CLPB: variants seen among roughly 807,000 people sequenced by gnomAD.
The protein encoded by CLPB is ClpB family mitochondrial disaggregase.
CLPB carries 40 observed loss-of-function variants against 78.4 expected under a neutral mutation model. The observed-to-expected ratio is 0.51, with a 90% confidence interval of 0.40 to 0.66. The LOEUF is 0.66. CLPB is among the 30% of genes least tolerant of loss of function. CLPB has a pLI of 0.00. For synonymous variants in CLPB, 333 were observed against 348.0 expected, an observed-to-expected ratio of 0.96 and a Z score of 0.48; for missense variants, 780 against 886.9, an observed-to-expected ratio of 0.88 and a Z score of 1.53.
chr11:72,296,975 C>T (rs914125445), intron 11 of CLPB, among the ~76,000 whole-genome samples: 16 of 152,200 alleles, frequency 1.1e-4, no homozygotes, highest in African/African-American at 3.9e-4. Context: ...TCCTCTGCAC[C>T]AGGCTACAGA....
intron 5 of CLPB, among the ~76,000 whole-genome samples, chr11:72,349,942 G>A (rs117225442): frequency 0.031 from 4,660 of 152,350 alleles, 113 homozygotes; most frequent in Non-Finnish European, 0.04. Flanking sequence ...AGGTCATGCC[G>A]GATACCGGCC....
intron 2 of CLPB, among the ~76,000 whole-genome samples, chr11:72,427,436 T>A (rs772503466): frequency 6.6e-6 from 1 of 152,218 alleles, no homozygotes; most frequent in Non-Finnish European, 1.5e-5. Context: ...CCTACAGTCA[T>A]GCGCTACACA....
chr11:72,390,960 A>G (rs1288469811), intron 3 of CLPB, among the ~76,000 whole-genome samples: 1 of 152,248 alleles, frequency 6.6e-6, no homozygotes, highest in Non-Finnish European at 1.5e-5. Context: ...GTCACACACT[A>G]TGAAACACGA....
intron 2 of CLPB, among the ~76,000 whole-genome samples, chr11:72,414,877 C>A (rs1467752995): frequency 6.6e-6 from 1 of 152,140 alleles, no homozygotes; most frequent in Non-Finnish European, 1.5e-5. Flanking sequence ...CTCATTTGAT[C>A]CTCTGAAAGA....
intron 7 of CLPB, among the ~76,000 whole-genome samples, chr11:72,313,089 C>T (rs1457841255): frequency 2.6e-5 from 4 of 152,152 alleles, no homozygotes; most frequent in Admixed American, 2.6e-4. Context: ...GCTGACTTAC[C>T]TTTCTTGATA....
intron 1 of CLPB, 76 bp from the exon 2 acceptor site, chr11:72,430,439 A>C: frequency 7.9e-7 from 1 of 1,266,602 alleles, no homozygotes; most frequent in Non-Finnish European, 1.1e-6. Context: ...GGGCCCACTA[A>C]GACAGTGGCA....
At position 72,307,404 on chromosome 11, in the gene CLPB, T is replaced by C. The variant is rs1175321842; in HGVS notation, c.1067-150A>G. On this transcript the variant is annotated intron_variant, in intron 8 of 15. Transcript: ENST00000538039. ...GAAAGGATCAGCGACTCTCCCACAG[T>C]CACCTAGGGAGTTAATGGTGAAGCT... 4.4e-6 allele frequency: 3 copies of C among 677,264 alleles called. No homozygotes were observed. In the Admixed American group the frequency reaches 8.0e-5, roughly 18 times the overall value. The allele number at this position is 677,264 out of a possible 1,614,324, so 42.0% of individuals were successfully genotyped here. A position where few individuals can be genotyped will look rare whatever the true frequency, so the allele number is the denominator to read the frequency against.
intron 3 of CLPB, among the ~76,000 whole-genome samples, chr11:72,387,650 C>T (rs1244165447): frequency 6.6e-6 from 1 of 151,604 alleles, no homozygotes; most frequent in Non-Finnish European, 1.5e-5. Flanking sequence ...TCCATAGTGC[C>T]TGACACATTA....
At chr11:72,311,462 T>C (rs144661144) in intron 7 of CLPB, among the ~76,000 whole-genome samples, 102 of 152,278 alleles carry the variant, frequency 6.7e-4, no homozygotes, top group African/African-American at 2.3e-3. Flanking sequence ...TTCCATTTTA[T>C]AGGTGAGGAA....
At position 72,358,961 on chromosome 11, in the gene CLPB, C is replaced by T. The variant is rs779228307; in HGVS notation, c.694G>A (p.Ala232Thr). 1.1e-5 allele frequency: 17 copies of T among 1,613,270 alleles called. No individual in the cohort carries two copies. Among genetic ancestry groups the T allele is most frequent in the Non-Finnish European group, 1.4e-5 (16 of 1,179,900 alleles). The stretch of plus-strand genomic sequence containing the variant: ...AAGGCCGTGCAGCCCTTGAAACTGG[C>T]GCGGTTGTTCAGCCTGTTGTTGAAG... ...DDFNNRLNNR[A>T]SFKGCTALHY... The change falls in exon 5 of 16, where the codon GCC becomes ACC. Residue 232 changes from alanine to threonine, a missense_variant. Physicochemically the swap from Ala to Thr is moderately conservative, Grantham distance 58. Around this residue, in one of 3 missense-constraint regions of CLPB, gnomAD observed 417 missense variants for 414.7 expected, o/e 1.01. Coordinates refer to ENST00000538039, the MANE Select transcript of CLPB (RefSeq NM_001258392.3).
At chr11:72,302,891 C>T (rs1033560303) in intron 9 of CLPB, 1 of 153,412 alleles carries the variant, frequency 6.5e-6, no homozygotes, top group Non-Finnish European at 1.5e-5. Flanking sequence ...CTTTGATTTA[C>T]TTTTCTTCAA....
At chr11:72,403,339 A>G (rs1483985751) in intron 2 of CLPB, among the ~76,000 whole-genome samples, 1 of 152,110 alleles carries the variant, frequency 6.6e-6, no homozygotes, top group Non-Finnish European at 1.5e-5. Context: ...CCCCCTTATT[A>G]TCTTCCAAAC....
chr11:72,389,303 G>A (rs976949219), intron 3 of CLPB, among the ~76,000 whole-genome samples: 7 of 152,218 alleles, frequency 4.6e-5, no homozygotes, highest in African/African-American at 1.2e-4. Context: ...TGAGCAATAA[G>A]AACCAAATCT....
intron 2 of CLPB, chr11:72,408,152 T>G: frequency 6.5e-7 from 1 of 1,535,624 alleles, no homozygotes; most frequent in African/African-American, 1.4e-5. Flanking sequence ...GACTCCAGCA[T>G]TCAGCCCTGC....
At chr11:72,302,378 G>T in intron 9 of CLPB, 30 bp from the exon 10 acceptor site, 1 of 1,611,166 alleles carries the variant, frequency 6.2e-7, no homozygotes, top group Non-Finnish European at 8.5e-7. Flanking sequence ...TACCAACTCC[G>T]TTTGGAGGCA....
chr11:72,340,318 T>C (rs1327240010), intron 5 of CLPB, among the ~76,000 whole-genome samples: 2 of 152,206 alleles, frequency 1.3e-5, no homozygotes, highest in Admixed American at 6.5e-5. Flanking sequence ...CCACGACATA[T>C]TGAGCCACAA....
intron 4 of CLPB, among the ~76,000 whole-genome samples, chr11:72,375,871 T>C (rs1222938214): frequency 6.6e-6 from 1 of 152,336 alleles, no homozygotes; most frequent in East Asian, 1.9e-4. Context: ...ACATATCACA[T>C]ATTTTATCTC....
At chr11:72,386,785 A>T (rs376029246) in intron 3 of CLPB, among the ~76,000 whole-genome samples, 1 of 152,228 alleles carries the variant, frequency 6.6e-6, no homozygotes, top group Admixed American at 6.5e-5. Flanking sequence ...AAGAGAAATG[A>T]GAAGGGTCTC....
chr11:72,419,909 A>T (rs1238837101), intron 2 of CLPB, among the ~76,000 whole-genome samples: 1 of 152,188 alleles, frequency 6.6e-6, no homozygotes, highest in East Asian at 1.9e-4. Context: ...CTGACTACTG[A>T]TCTACCAAGC....
Sources: gnomAD v4.1 joint callset for allele counts (sites outside exome capture counted in the v4.1 genomes callset) on GRCh38, gnomAD v4.1.1 for gene constraint, gnomAD v4.1.1 regional missense constraint, MANE v1.5 for transcripts, NCBI Gene and HGNC (gene_info 2026-07-23, HGNC 2026-07-21) for gene names.